CNKSR1: variants seen among roughly 807,000 people sequenced by gnomAD.
CNKSR1 encodes the protein CNK homolog protein 1.
CNKSR1 carries 88 observed loss-of-function variants against 95.6 expected under a neutral mutation model. The ratio of observed to expected loss-of-function variants is 0.92; its 90% CI spans 0.78 to 1.10. CNKSR1 has a LOEUF of 1.10. CNKSR1 is among the 50% of genes least tolerant of loss of function. The pLI is 0.00. For missense variants in CNKSR1, 836 were observed against 912.0 expected, an observed-to-expected ratio of 0.92 and a Z score of 1.07; for synonymous variants, 355 against 369.7, an observed-to-expected ratio of 0.96 and a Z score of 0.46.
intron 15 of CNKSR1, 74 bp downstream of exon 15, chr1:26,187,315 G>A (rs2088773165): frequency 5.0e-6 from 8 of 1,589,710 alleles, no homozygotes; most frequent in Non-Finnish European, 6.9e-6. Flanking sequence ...GTAGCAGTGG[G>A]AGGTGTGGCA....
Position 26,185,064 on chromosome 1 carries a change from C to T in CNKSR1, c.1186C>T (p.Arg396Trp), listed in dbSNP as rs915242652. The T allele has an allele frequency of 8.7e-6, 14 of 1,605,138 alleles. No homozygotes were observed. The highest frequency in any genetic ancestry group is 1.3e-5 in the African/African-American group (1 of 74,864). ...GCGGGTGTCATGCCGTGAGCTGGGC[C>T]GGCCGGACTGTGACGGCTGGCTCCT... ...RRRVSCRELG[R>W]PDCDGWLLLR... is the part of the protein sequence containing the mutation. Residue 396 changes from arginine to tryptophan, a missense_variant, in exon 14 of 21, where the codon CGG becomes TGG. Physicochemically the swap from Arg to Trp is moderately radical, Grantham distance 101. Transcript: ENST00000361530.
chr1:26,188,109 C>T, intron 16 of CNKSR1, 125 bp from the exon 17 acceptor site: 1 of 829,392 alleles, frequency 1.2e-6, no homozygotes, highest in Admixed American at 2.0e-5. Context: ...AAATGGGTGA[C>T]TAAGAGTTCA....
At position 26,182,618 on chromosome 1, in the gene CNKSR1, C is replaced by T. The variant is rs566334539; in HGVS notation, c.624+34C>T. 4 of 1,562,310 alleles carry T rather than the reference C, an allele frequency of 2.6e-6. No homozygotes were observed. The East Asian group carries it at 9.1e-5, about 36-fold the overall frequency. On this transcript the variant is annotated intron_variant, in intron 6 of 20. Transcript: ENST00000361530. ...TGCCCTCCCACCTCTCACTTCTGAC[C>T]CCTTGGCAGCCTTGTCTGGGCCCTG...
chr1:26,182,370 G>T lies in CNKSR1; in HGVS notation c.487G>T (p.Ala163Ser). 2 of 1,614,134 alleles carry T rather than the reference G, an allele frequency of 1.2e-6. No individual in the cohort carries two copies. Among genetic ancestry groups the T allele is most frequent in the Non-Finnish European group, 1.7e-6 (2 of 1,180,000 alleles). ...LSQVLHEDGP[A>S]AEKEGTVLRI... ...CTCATTCTACTTCCAGGATGGTCCA[G>T]CGGCTGAGAAGGAGGGCACAGTCCT... The change falls in exon 5 of 21, where the codon GCG becomes TCG. Residue 163 changes from alanine (A) to serine (S), a missense_variant. By Grantham distance (99) the Ala-to-Ser change is moderately conservative (BLOSUM62 1). Transcript: ENST00000361530.
At position 26,188,668 on chromosome 1, in the gene CNKSR1, G is replaced by C. The variant is rs1049443846; in HGVS notation, c.1661G>C (p.Ser554Thr). Residue 554 changes from serine (S) to threonine (T), a missense_variant, in exon 19 of 21, where the codon AGC (serine) becomes ACC (threonine). Ser to Thr is a moderately conservative substitution (Grantham distance 58, BLOSUM62 1). Transcript: ENST00000361530. ...TSPAATPTQR[S>T]PRTSFGSLTD... ...CCTGCAGCCACCCCCACACAGCGCA[G>C]CCCACGGACCTCCTTTGGCTCTCTG... The C allele has an allele frequency of 6.2e-7, 1 of 1,613,894 alleles. No homozygotes were observed. Among genetic ancestry groups the C allele is most frequent in the Non-Finnish European group, 8.5e-7 (1 of 1,179,920 alleles).
chr1:26,181,665 C>T (rs1215092945), intron 3 of CNKSR1, 192 bp from the exon 4 acceptor site: 3 of 622,320 alleles, frequency 4.8e-6, no homozygotes, highest in Non-Finnish European at 8.8e-6. Flanking sequence ...CAGGGCTTGG[C>T]ATGTGGTAGG....
At chr1:26,180,299 A>G (rs1889738) in intron 1 of CNKSR1, 154 bp from the exon 2 acceptor site, 171,196 of 887,606 alleles carry the variant, frequency 0.19, 29,571 homozygotes, top group East Asian at 0.66. Flanking sequence ...TTCTCAACTC[A>G]GTGGCCTCAT....
Position 26,183,818 on chromosome 1 carries a change from G to C in CNKSR1, c.843G>C (p.Glu281Asp). ...TGCTGAAGAAGATCCCGATACCGGA[G>C]ACCCCCCCACAGGTACCTTCCCCTG... ...SLVLKKIPIP[E>D]TPPQTPPQVL... Residue 281 changes from glutamate (E) to aspartate (D), a missense_variant, in exon 9 of 21, where the codon GAG (glutamate) becomes GAC (aspartate). Physicochemically the swap from Glu to Asp is conservative, Grantham distance 45. Transcript: ENST00000361530. The C allele has an allele frequency of 1.9e-6, 3 of 1,600,334 alleles. No homozygotes were observed. The highest frequency in any genetic ancestry group is 2.6e-6 in the Non-Finnish European group (3 of 1,171,162).
At chr1:26,181,339 C>T (rs942336633) in intron 3 of CNKSR1, among the ~76,000 whole-genome samples, 2 of 151,448 alleles carry the variant, frequency 1.3e-5, no homozygotes, top group African/African-American at 4.8e-5. Context: ...ATTAATCCAC[C>T]TGTGCAGGGG....
In CNKSR1 at chr1:26,182,377, A is replaced by G. The variant is rs765794112; in HGVS notation, c.494A>G (p.Glu165Gly). ...QVLHEDGPAA[E>G]KEGTVLRICS... ...TACTTCCAGGATGGTCCAGCGGCTG[A>G]GAAGGAGGGCACAGTCCTGAGGATC... Residue 165 changes from glutamate to glycine, a missense_variant, in exon 5 of 21, where the codon GAG becomes GGG. Coordinates refer to ENST00000361530, the MANE Select transcript of CNKSR1 (RefSeq NM_006314.3). 6.2e-7 allele frequency: 1 copy of G among 1,613,772 alleles called. No homozygotes were observed. Among genetic ancestry groups the G allele is most frequent in the African/African-American group, 1.3e-5 (1 of 74,912 alleles).
intron 1 of CNKSR1, chr1:26,180,069 A>G: frequency 3.2e-6 from 1 of 307,974 alleles, no homozygotes; most frequent in Admixed American, 4.8e-5. Flanking sequence ...CTAGGAGGTC[A>G]AGGCTGCAGT....
In CNKSR1 at chr1:26,177,565, C is replaced by G. The variant is rs759896906; in HGVS notation, c.18C>G (p.Thr6=). 6.2e-7 allele frequency: 1 copy of G among 1,614,010 alleles called. No homozygotes were observed. MEPVE[T]WTPGKVATWL... ...GCTGGGCCATGGAACCGGTAGAGAC[C>G]TGGACCCCCGGAAAGGTGGCAACTT... is the stretch of plus-strand genomic sequence containing the variant. Residue 6 remains threonine (T), a synonymous_variant, in exon 1 of 21, where the codon ACC becomes ACG. Transcript: ENST00000361530.
chr1:26,182,417 TG>T lies in CNKSR1; in HGVS notation c.519+18del, dbSNP rs768194590. On this transcript the variant is annotated intron_variant, in intron 5 of 20. Coordinates refer to ENST00000361530, the MANE Select transcript of CNKSR1 (RefSeq NM_006314.3). ...TCCTGAGGATCGTGAGTCTGTGGGGTGGGAAGAGAGTGGGGGTAGGGGCGAT... is the reference window on the plus strand; with the variant it reads ...TCCTGAGGATCGTGAGTCTGTGGGGTGGAAGAGAGTGGGGGTAGGGGCGAT... The T allele has an allele frequency of 6.8e-6, 11 of 1,611,820 alleles. No individual in the cohort carries two copies. Among genetic ancestry groups the T allele is most frequent in the Non-Finnish European group, 8.5e-6 (10 of 1,179,354 alleles).
chr1:26,188,490 C>G lies in CNKSR1; in HGVS notation c.1577C>G (p.Ser526Cys), dbSNP rs1378899133. The change falls in exon 18 of 21, where the codon TCC (serine) becomes TGC (cysteine). Residue 526 changes from serine to cysteine, a missense_variant. Coordinates refer to ENST00000361530, the MANE Select transcript of CNKSR1 (RefSeq NM_006314.3). ...GAGGACCCGGACGATGAGGCTGGGT[C>G]CCACTCAGCCTCGGTGAGTGGGGGG... is the stretch of plus-strand genomic sequence containing the variant. The part of the protein sequence containing the change: ...EAEDPDDEAG[S>C]HSASPSPAQA... 6 of 1,604,090 alleles carry G rather than the reference C, an allele frequency of 3.7e-6. No homozygotes were observed. The highest frequency in any genetic ancestry group is 1.3e-5 in the African/African-American group (1 of 74,792).
chr1:26,187,504 C>T, intron 16 of CNKSR1, 22 bp downstream of exon 16: 1 of 1,612,470 alleles, frequency 6.2e-7, no homozygotes, highest in Non-Finnish European at 8.5e-7. Flanking sequence ...CTCCCTTAGC[C>T]CCTACTCTCA....
chr1:26,184,558 T>C (rs372015710), intron 12 of CNKSR1, 27 bp from the exon 13 acceptor site: 74 of 1,607,886 alleles, frequency 4.6e-5, no homozygotes, highest in Non-Finnish European at 5.1e-5. Flanking sequence ...CCTAGATCCT[T>C]CTCTCACCCT....
rs754881477 is a variant in CNKSR1, at chr1:26,181,904, G to A, written c.440G>A (p.Arg147Gln). The A allele has an allele frequency of 1.6e-5, 26 of 1,613,888 alleles. No homozygotes were observed. The highest frequency in any genetic ancestry group is 8.0e-5 in the African/African-American group (6 of 74,918). The change falls in exon 4 of 21, where the codon CGA becomes CAA. Residue 147 changes from arginine to glutamine, a missense_variant. Transcript: ENST00000361530. Reference protein sequence around the residue: ...LNDFSACQEIRDLLEELSQVL... With the variant: ...LNDFSACQEIQDLLEELSQVL... Reference sequence around the variant, plus strand: ...GATTTCTCAGCATGCCAGGAGATCCGAGACTTGTTGGAGGAGCTGAGCCAG... The same window carrying A: ...GATTTCTCAGCATGCCAGGAGATCCAAGACTTGTTGGAGGAGCTGAGCCAG...
In CNKSR1 at chr1:26,183,189, C is replaced by T. The variant is rs1403852941; in HGVS notation, c.625-8C>T. ...AGCCCCCGGTGACTATAGCCTCTGC[C>T]TCTGCAGGGCCTAGAAATTCACACC... On this transcript the variant is annotated splice_polypyrimidine_tract_variant and splice_region_variant and intron_variant, in intron 6 of 20. Coordinates refer to ENST00000361530, the MANE Select transcript of CNKSR1 (RefSeq NM_006314.3). The T allele has an allele frequency of 1.2e-5, 19 of 1,613,866 alleles. No individual in the cohort carries two copies. Among genetic ancestry groups the T allele is most frequent in the Non-Finnish European group, 1.5e-5 (18 of 1,179,954 alleles).
At position 26,184,463 on chromosome 1, in the gene CNKSR1, GCAGGGGTAGCAGGGACTC is replaced by G; in HGVS notation, c.1069_1086del (p.Val357_Gly362del). ...CCCGGAACCCCCAGCCATACTCCCA[GCAGGGGTAGCAGGGACTC>G]CAGGGCTCCCTGAATCCCCTGACAA... On this transcript the variant is annotated inframe_deletion, in exon 12 of 21. Transcript: ENST00000361530. 1 of 1,613,254 alleles carries G rather than the reference GCAGGGGTAGCAGGGACTC, an allele frequency of 6.2e-7. No homozygotes were observed. The highest frequency in any genetic ancestry group is 8.5e-7 in the Non-Finnish European group (1 of 1,179,716).
Sources: gnomAD v4.1 joint callset for allele counts (sites outside exome capture counted in the v4.1 genomes callset) on GRCh38, gnomAD v4.1.1 for gene constraint, MANE v1.5 for transcripts, NCBI Gene and HGNC (gene_info 2026-07-23, HGNC 2026-07-21) for gene names.